CNTN6: variants seen among roughly 807,000 people sequenced by gnomAD.
CNTN6 encodes contactin 6, also known as contactin-6.
CNTN6 carries 137 observed loss-of-function variants against 122.8 expected under a neutral mutation model. The observed-to-expected ratio is 1.12, with a 90% CI of 0.97 to 1.29. The LOEUF is 1.29. CNTN6 is among the 50% of genes most tolerant of loss of function. CNTN6 has a pLI of 0.00. For synonymous variants in CNTN6, 570 were observed against 426.0 expected, an observed-to-expected ratio of 1.34 and a Z score of -4.16; for missense variants, 1,634 against 1,223.4, an observed-to-expected ratio of 1.34 and a Z score of -5.01.
intron 12 of CNTN6, among the ~76,000 whole-genome samples, chr3:1,368,497 A>T (rs57217953): frequency 0.18 from 26,729 of 152,190 alleles, 3,404 homozygotes; most frequent in East Asian, 0.6. Flanking sequence ...GGTTTCATAA[A>T]AGTTGCATCA....
chr3:1,251,737 G>GCC (rs1193199029), intron 4 of CNTN6, among the ~76,000 whole-genome samples: 6 of 151,974 alleles, frequency 3.9e-5, no homozygotes, highest in Non-Finnish European at 8.8e-5. Flanking sequence ...GTCTAGAAAG[G>GCC]CCCTCTGTAG....
At chr3:1,282,965 G>T (rs542285665) in intron 5 of CNTN6, among the ~76,000 whole-genome samples, 14 of 152,204 alleles carry the variant, frequency 9.2e-5, no homozygotes, top group African/African-American at 3.4e-4. Flanking sequence ...GCAACAGAAA[G>T]AGACAACACA....
At chr3:1,175,346 A>C (rs552595169) in intron 2 of CNTN6, among the ~76,000 whole-genome samples, 1 of 152,276 alleles carries the variant, frequency 6.6e-6, no homozygotes, top group South Asian at 2.1e-4. Flanking sequence ...ATGTGAATAA[A>C]ATTTTACCAA....
intron 7 of CNTN6, among the ~76,000 whole-genome samples, chr3:1,309,373 T>C (rs1698876424): frequency 6.6e-6 from 1 of 152,206 alleles, no homozygotes; most frequent in Non-Finnish European, 1.5e-5. Context: ...TTCCAGTATC[T>C]GTTAAAAAGA....
intron 4 of CNTN6, among the ~76,000 whole-genome samples, chr3:1,235,379 A>C (rs2094408115): frequency 6.6e-6 from 1 of 151,970 alleles, no homozygotes; most frequent in African/African-American, 2.4e-5. Flanking sequence ...AAGATTTATA[A>C]AATTGGTTCA....
intron 19 of CNTN6, among the ~76,000 whole-genome samples, chr3:1,384,666 C>CTATATATA (rs539955358): frequency 1.8e-5 from 2 of 113,576 alleles, no homozygotes; most frequent in Non-Finnish European, 3.6e-5. Flanking sequence ...TTAATTTTGC[C>CTATATATA]TATATATATA....
chr3:1,373,047 G>A (rs866770500), intron 14 of CNTN6, 92 bp downstream of exon 14: 1 of 722,226 alleles, frequency 1.4e-6, no homozygotes, highest in Middle Eastern at 2.6e-4. Context: ...ACCACACCAT[G>A]TTATGGAAGT....
intron 1 of CNTN6, among the ~76,000 whole-genome samples, chr3:1,103,159 A>G (rs2091039545): frequency 6.6e-6 from 1 of 152,192 alleles, no homozygotes; most frequent in Non-Finnish European, 1.5e-5. Context: ...TGAGATGAAA[A>G]AGTTTCTGTT....
At chr3:1,397,288 C>G (rs948494002) in intron 20 of CNTN6, among the ~76,000 whole-genome samples, 2 of 152,094 alleles carry the variant, frequency 1.3e-5, no homozygotes, top group South Asian at 2.1e-4. Context: ...AAATGAGAAA[C>G]TAAGATGTAC....
intron 11 of CNTN6, among the ~76,000 whole-genome samples, chr3:1,351,369 A>G (rs1368562706): frequency 6.6e-6 from 1 of 151,996 alleles, no homozygotes; most frequent in Admixed American, 6.6e-5. Flanking sequence ...GTTAAAAATT[A>G]GTATGTTGTC....
intron 8 of CNTN6, among the ~76,000 whole-genome samples, chr3:1,322,605 A>G (rs1413036417): frequency 1.3e-5 from 2 of 151,644 alleles, no homozygotes; most frequent in African/African-American, 4.8e-5. Context: ...TTTATAATCA[A>G]TGATAAAGTA....
intron 1 of CNTN6, among the ~76,000 whole-genome samples, chr3:1,146,705 G>T (rs533949668): frequency 2.0e-5 from 3 of 151,888 alleles, no homozygotes; most frequent in Non-Finnish European, 4.4e-5. Flanking sequence ...ACACCATAGT[G>T]CCCATTGTCT....
intron 19 of CNTN6, among the ~76,000 whole-genome samples, chr3:1,384,341 A>G (rs1408517186): frequency 6.7e-6 from 1 of 148,214 alleles, no homozygotes; most frequent in Non-Finnish European, 1.5e-5. Context: ...ATCTTACACC[A>G]TGGAAGAATT....
intron 11 of CNTN6, among the ~76,000 whole-genome samples, chr3:1,343,442 A>T (rs191924080): frequency 6.6e-6 from 1 of 152,160 alleles, no homozygotes; most frequent in Non-Finnish European, 1.5e-5. Context: ...CACATTGTTT[A>T]TAAGTATAAA....
chr3:1,161,193 A>C (rs2093124223), intron 2 of CNTN6, among the ~76,000 whole-genome samples: 1 of 140,776 alleles, frequency 7.1e-6, no homozygotes, highest in Non-Finnish European at 1.5e-5. Flanking sequence ...AATGGATATA[A>C]TTTGTATGAC....
At chr3:1,157,215 TATTTA>T (rs1307357101) in intron 2 of CNTN6, among the ~76,000 whole-genome samples, 1 of 141,634 alleles carries the variant, frequency 7.1e-6, no homozygotes, top group African/African-American at 2.8e-5. Flanking sequence ...TTTATTTATT[TATTTA>T]ATTTATTTAT....
chr3:1,207,920 TCC>T (rs2093980243), intron 2 of CNTN6, among the ~76,000 whole-genome samples: 1 of 152,080 alleles, frequency 6.6e-6, no homozygotes, highest in African/African-American at 2.4e-5. Context: ...CTTCCATTCA[TCC>T]CTAATAGCTA....
At chr3:1,321,587 T>G in intron 7 of CNTN6, 63 bp from the exon 8 acceptor site, 3 of 1,384,016 alleles carry the variant, frequency 2.2e-6, no homozygotes, top group Non-Finnish European at 2.9e-6. Flanking sequence ...TGGATGCTCT[T>G]CTTTTATTTT....
chr3:1,400,094 A>G (rs919111511), intron 20 of CNTN6, among the ~76,000 whole-genome samples: 30 of 152,096 alleles, frequency 2.0e-4, no homozygotes, highest in African/African-American at 7.2e-4. Flanking sequence ...TTGACTCAAA[A>G]CTATGAAAGA....
Sources: gnomAD v4.1 joint callset for allele counts (sites outside exome capture counted in the v4.1 genomes callset) on GRCh38, gnomAD v4.1.1 for gene constraint, MANE v1.5 for transcripts, NCBI Gene and HGNC (gene_info 2026-07-23, HGNC 2026-07-21) for gene names.